Variants in RELN observed in about 807,000 individuals in gnomAD.
RELN encodes the protein reelin.
A neutral mutation model predicts 427.6 loss-of-function variants in RELN; 108 were observed. The ratio of observed to expected loss-of-function variants is 0.25; its 90% confidence interval spans 0.22 to 0.30. The LOEUF is 0.30. Ranked by LOEUF, RELN falls within the 10% of genes least tolerant of loss-of-function variation. The probability of loss-of-function intolerance (pLI) is 1.00; values close to 1 mark genes in which losing one functional copy is unlikely to be tolerated. For missense variants in RELN, 3,715 were observed against 4,302.8 expected (o/e 0.86, Z 3.82); for synonymous variants, 1,524 against 1,513.4 (o/e 1.01, Z -0.16).
chr7:103,898,605 G>A (rs10216302), intron 2 of RELN, among the ~76,000 whole-genome samples: 19,553 of 151,986 alleles, frequency 0.13, 1,584 homozygotes, highest in East Asian at 0.32. Context: ...TTGAGTGTGC[G>A]TAATTTTAAA....
chr7:103,560,134 T>C (rs1258250675), intron 36 of RELN, among the ~76,000 whole-genome samples: 1 of 152,238 alleles, frequency 6.6e-6, no homozygotes, highest in Non-Finnish European at 1.5e-5. Context: ...ACATATATTC[T>C]AGTTCACAGA....
In RELN at chr7:103,552,477, T is replaced by C. The variant is rs1040090186; in HGVS notation, c.6072+984A>G. On this transcript the variant is annotated intron_variant, in intron 40 of 64. Coordinates refer to ENST00000428762, the MANE Select transcript of RELN (RefSeq NM_005045.4). ...TTGACATTTGATAAACTTTCGAATA[T>C]AGGCACTTGTTTCTTCCTGAATTCT... Among the ~76,000 whole-genome samples, 2 of 151,776 alleles carry C rather than the reference T, an allele frequency of 1.3e-5. 1 individual carries two copies. The highest frequency in any genetic ancestry group is 4.8e-5 in the African/African-American group (2 of 41,384).
At chr7:103,612,599 A>G (rs1183551833) in intron 20 of RELN, among the ~76,000 whole-genome samples, 1 of 152,124 alleles carries the variant, frequency 6.6e-6, no homozygotes, top group African/African-American at 2.4e-5. Context: ...AAAAGCCATA[A>G]AATTATGCAT....
chr7:103,687,277 T>C (rs1048415584), intron 10 of RELN, among the ~76,000 whole-genome samples: 6 of 152,148 alleles, frequency 3.9e-5, no homozygotes, highest in African/African-American at 1.4e-4. Context: ...ACTTTCACAG[T>C]GTTGGAGGCT....
chr7:103,856,300 G>A (rs1366421185), intron 2 of RELN, among the ~76,000 whole-genome samples: 1 of 152,010 alleles, frequency 6.6e-6, no homozygotes, highest in Non-Finnish European at 1.5e-5. Context: ...AATATGGGCT[G>A]GGCGCGGTGG....
At chr7:103,802,575 C>A (rs776022309) in intron 3 of RELN, among the ~76,000 whole-genome samples, 1 of 152,008 alleles carries the variant, frequency 6.6e-6, no homozygotes, top group South Asian at 2.1e-4. Flanking sequence ...ATTCAAGATA[C>A]CCAAATGTGA....
At chr7:103,513,633 C>T (rs182332329) in intron 50 of RELN, 7 of 151,892 alleles carry the variant, frequency 4.6e-5, no homozygotes, top group East Asian at 1.9e-4. Flanking sequence ...TTTGCTGTTA[C>T]GTTATGCCAC....
Position 103,735,483 on chromosome 7 carries a change from C to T in RELN, c.657-7276G>A, listed in dbSNP as rs139713852. On this transcript the variant is annotated intron_variant, in intron 6 of 64. Coordinates refer to ENST00000428762, the MANE Select transcript of RELN (RefSeq NM_005045.4). ...GGTCCCCACATAGCAGTGACTCAGA[C>T]GGGCTCTCAGGATGCAGGAAAGAGG... 3.1e-3 allele frequency among the ~76,000 whole-genome samples: 474 copies of T among 152,188 alleles called. 1 individual carries two copies. Among genetic ancestry groups the T allele is most frequent in the African/African-American group, 0.011 (448 of 41,520 alleles).
chr7:103,540,219 T>C lies in RELN; in HGVS notation c.6908A>G (p.Tyr2303Cys), dbSNP rs1830147186. ...GACCTGATCGATAACCCAGGGGCTGTAGAAGTGCCCATTCTCAGACGGTTG... is the reference window on the plus strand; with the variant it reads ...GACCTGATCGATAACCCAGGGGCTGCAGAAGTGCCCATTCTCAGACGGTTG... ...WWQPSENGHF[Y>C]SPWVIDQILI... Residue 2303 changes from tyrosine to cysteine, a missense_variant, in exon 44 of 65, where the codon TAC (tyrosine) becomes TGC (cysteine). Around this residue, in one of 4 missense-constraint regions of RELN, gnomAD observed 1,310 missense variants for 1,643.0 expected, o/e 0.80. Coordinates refer to ENST00000428762, the MANE Select transcript of RELN (RefSeq NM_005045.4). The C allele has an allele frequency of 4.3e-6, 7 of 1,614,156 alleles. No homozygotes were observed. The highest frequency in any genetic ancestry group is 1.3e-5 in the African/African-American group (1 of 75,024).
intron 5 of RELN, among the ~76,000 whole-genome samples, chr7:103,751,639 A>C (rs1297387585): frequency 1.3e-5 from 2 of 152,250 alleles, no homozygotes; most frequent in Non-Finnish European, 2.9e-5. Flanking sequence ...TCAGATACCC[A>C]ATCTGGCCGA....
At position 103,655,836 on chromosome 7, in the gene RELN, T is replaced by C. The variant is rs114788290; in HGVS notation, c.1442-1631A>G. On this transcript the variant is annotated intron_variant, in intron 12 of 64. Coordinates refer to ENST00000428762, the MANE Select transcript of RELN (RefSeq NM_005045.4). ...TGGAACAGGATGCATCAGGCTATCATAGTTCTGGAACCGCTGCCATTAAAA... is the reference window on the plus strand; with the variant it reads ...TGGAACAGGATGCATCAGGCTATCACAGTTCTGGAACCGCTGCCATTAAAA... 5.1e-3 allele frequency among the ~76,000 whole-genome samples: 771 copies of C among 152,238 alleles called. 8 individuals carry two copies. Among genetic ancestry groups the C allele is most frequent in the African/African-American group, 0.018 (736 of 41,560 alleles).
At chr7:103,981,127 C>T (rs557226304) in intron 1 of RELN, among the ~76,000 whole-genome samples, 1 of 152,238 alleles carries the variant, frequency 6.6e-6, no homozygotes, top group Admixed American at 6.5e-5. Flanking sequence ...GGATATAGTC[C>T]TAGAGGCTGA....
intron 2 of RELN, among the ~76,000 whole-genome samples, chr7:103,899,676 C>A (rs111905461): frequency 4.6e-4 from 70 of 152,244 alleles, no homozygotes; most frequent in African/African-American, 1.7e-3. Flanking sequence ...TAATCCATCA[C>A]ATAAACAGAA....
At chr7:103,882,692 A>C (rs1246182504) in intron 2 of RELN, among the ~76,000 whole-genome samples, 1 of 152,238 alleles carries the variant, frequency 6.6e-6, no homozygotes, top group Non-Finnish European at 1.5e-5. Context: ...AAAATCCAGA[A>C]GAAATGGATA....
chr7:103,603,478 C>A lies in RELN; in HGVS notation c.3159G>T (p.Gly1053=), dbSNP rs747322114. The change falls in exon 24 of 65, where the codon GGG becomes GGT. Residue 1053 remains glycine (G), a synonymous_variant. Coordinates refer to ENST00000428762, the MANE Select transcript of RELN (RefSeq NM_005045.4). The surrounding 1 kb of genome is among the most constrained non-coding windows in gnomAD (Gnocchi z 4.3). ...CDHGICRCDQ[G]YQGTECHPEA... Reference sequence around the variant, plus strand: ...CTGGGTGGCATTCAGTGCCTTGGTACCCCTGGTCACACCTATGAGAGAGCA... The same window carrying A: ...CTGGGTGGCATTCAGTGCCTTGGTAACCCTGGTCACACCTATGAGAGAGCA... 3 of 1,613,722 alleles carry A rather than the reference C, an allele frequency of 1.9e-6. No homozygotes were observed. The highest frequency in any genetic ancestry group is 2.5e-6 in the Non-Finnish European group (3 of 1,179,710).
chr7:103,567,449 T>C (rs1172314673), intron 31 of RELN, among the ~76,000 whole-genome samples: 1 of 152,196 alleles, frequency 6.6e-6, no homozygotes, highest in Non-Finnish European at 1.5e-5. Flanking sequence ...GGACCTCATG[T>C]CCCTTCTAAA....
chr7:103,610,974 A>C (rs779214692), intron 21 of RELN, among the ~76,000 whole-genome samples, 167 bp from the exon 22 acceptor site: 9 of 152,214 alleles, frequency 5.9e-5, no homozygotes, highest in Non-Finnish European at 1.2e-4. Context: ...TGAAGCTAAA[A>C]CTTCATAGAA....
intron 31 of RELN, among the ~76,000 whole-genome samples, chr7:103,567,024 G>C (rs144555462): frequency 6.6e-6 from 1 of 152,274 alleles, no homozygotes; most frequent in Non-Finnish European, 1.5e-5. Context: ...AAGTTGGTAA[G>C]GGGAACATAA....
chr7:103,717,551 C>T (rs1209016315), intron 8 of RELN, among the ~76,000 whole-genome samples: 1 of 151,464 alleles, frequency 6.6e-6, no homozygotes, highest in African/African-American at 2.4e-5. Context: ...TAGTTGAATA[C>T]ATTTATATCC....
Sources: gnomAD v4.1 joint callset for allele counts (sites outside exome capture counted in the v4.1 genomes callset) on GRCh38, gnomAD v4.1.1 for gene constraint, gnomAD v4.1.1 regional missense constraint, Gnocchi (gnomAD v3.1) non-coding constraint, MANE v1.5 for transcripts, NCBI Gene and HGNC (gene_info 2026-07-23, HGNC 2026-07-21) for gene names.